SNN: variants seen among roughly 807,000 people sequenced by gnomAD.
The protein encoded by SNN is stannin.
SNN carries 5 observed loss-of-function variants against 5.3 expected under a neutral mutation model. The observed-to-expected ratio is 0.94, with a 90% CI of 0.49 to 1.97. The LOEUF (loss-of-function observed/expected upper bound fraction) is 1.97, where lower values mean the gene tolerates loss of function less well. SNN is among the 30% of genes most tolerant of loss of function. The pLI is 0.01. For synonymous variants in SNN, 67 were observed against 52.1 expected (o/e 1.29, Z -1.24); for missense variants, 127 against 121.6 (o/e 1.04, Z -0.21).
At chr16:11,670,486 C>T (rs1247194323) in intron 1 of SNN, among the ~76,000 whole-genome samples, 4 of 152,220 alleles carry the variant, frequency 2.6e-5, no homozygotes, top group Non-Finnish European at 4.4e-5. Flanking sequence ...ATCCCTCGGG[C>T]TCAGTGTTCT....
In SNN at chr16:11,676,014, GC is replaced by G; in HGVS notation, c.-44del. On this transcript the variant is annotated 5_prime_UTR_variant, in exon 2 of 2. Transcript: ENST00000329565. ...GCCTGAGTTCCAGCCTCACTGAGTG[GC>G]CACCCCCAAAGTGCTGCCAGCCGAG... 6.5e-7 allele frequency: 1 copy of G among 1,532,766 alleles called. No homozygotes were observed. The highest frequency in any genetic ancestry group is 8.8e-7 in the Non-Finnish European group (1 of 1,138,970). The allele number at this position is 1,532,766 out of a possible 1,614,324, so 94.9% of individuals were successfully genotyped here.
chr16:11,678,513 A>T lies in SNN; in HGVS notation c.*2187A>T, dbSNP rs531391829. 1 of 167,074 alleles carries T rather than the reference A, an allele frequency of 6.0e-6. No homozygotes were observed. Among genetic ancestry groups the T allele is most frequent in the East Asian group, 1.9e-4 (1 of 5,172 alleles). The allele number at this position is 167,074 out of a possible 1,614,324, so 10.3% of individuals were successfully genotyped here. ...CCTGGGGTTTTGACCTTGCCAGTGA[A>T]GTTTCGGTTTTGAAGTGATTAAATG... On this transcript the variant is annotated 3_prime_UTR_variant, in exon 2 of 2. Coordinates refer to ENST00000329565, the MANE Select transcript of SNN (RefSeq NM_003498.6).
At position 11,677,531 on chromosome 16, in the gene SNN, G is replaced by C. The variant is rs2050314405; in HGVS notation, c.*1205G>C. 6.0e-6 allele frequency: 1 copy of C among 167,036 alleles called. No homozygotes were observed. Among genetic ancestry groups the C allele is most frequent in the Non-Finnish European group, 1.5e-5 (1 of 68,132 alleles). The allele number at this position is 167,036 out of a possible 1,614,324, so 10.3% of individuals were successfully genotyped here. On this transcript the variant is annotated 3_prime_UTR_variant, in exon 2 of 2. Coordinates refer to ENST00000329565, the MANE Select transcript of SNN (RefSeq NM_003498.6). The surrounding 1 kb of genome is among the most constrained non-coding windows in gnomAD (Gnocchi z 4.2). The stretch of plus-strand genomic sequence containing the variant: ...ACCAGACTGCTTCCTGCCAGCCTGT[G>C]CTTGCGGCAGGGAGCCGGGGCAGGG...
intron 1 of SNN, among the ~76,000 whole-genome samples, chr16:11,675,247 CT>C (rs71136677): frequency 8.8e-5 from 12 of 136,806 alleles, no homozygotes; most frequent in South Asian, 2.4e-4. Context: ...ATTTCTTTTT[CT>C]TTTTTTTTTC....
At position 11,672,319 on chromosome 16, in the gene SNN, G is replaced by C. The variant is rs940241440; in HGVS notation, c.-85-3656G>C. On this transcript the variant is annotated intron_variant, in intron 1 of 1. Transcript: ENST00000329565. The surrounding 1 kb of genome is among the most constrained non-coding windows in gnomAD (Gnocchi z 6.0). ...TAGAGAAGGGCAGGTAGCAAGGAGA[G>C]CAAATGAAGTAGGGCAAGGCTGTAG... Among the ~76,000 whole-genome samples the C allele has an allele frequency of 1.3e-5, 2 of 152,206 alleles. No individual in the cohort carries two copies. Among genetic ancestry groups the C allele is most frequent in the African/African-American group, 4.8e-5 (2 of 41,440 alleles).
rs2050268151 is a variant in SNN at position 11,671,866 on chromosome 16, G to A, written c.-86+3326G>A. ...TTTGAGTTTCCCGGGGCTCTGCTTGGCCACCCCCTTCCCTCCCTGCCTGCC... is the reference window on the plus strand; with the variant it reads ...TTTGAGTTTCCCGGGGCTCTGCTTGACCACCCCCTTCCCTCCCTGCCTGCC... On this transcript the variant is annotated intron_variant, in intron 1 of 1. Transcript: ENST00000329565. The surrounding 1 kb of genome is among the most constrained non-coding windows in gnomAD (Gnocchi z 4.7). Among the ~76,000 whole-genome samples the A allele has an allele frequency of 6.6e-6, 1 of 152,122 alleles. No individual in the cohort carries two copies. Among genetic ancestry groups the A allele is most frequent in the Non-Finnish European group, 1.5e-5 (1 of 68,008 alleles).
intron 1 of SNN, among the ~76,000 whole-genome samples, chr16:11,675,258 CTTTTTTTTTTTTTTTT>C (rs769141223): frequency 8.0e-6 from 1 of 125,318 alleles, no homozygotes; most frequent in East Asian, 2.3e-4. Flanking sequence ...TTTTTTTTTT[CTTTTTTTTTTTTTTTT>C]TTTGAAGAGA....
At chr16:11,674,333 G>A (rs1324321409) in intron 1 of SNN, among the ~76,000 whole-genome samples, 1 of 152,236 alleles carries the variant, frequency 6.6e-6, no homozygotes, top group African/African-American at 2.4e-5. Context: ...CGAGGCAGGA[G>A]AGGGAAGAAA....
chr16:11,669,920 A>G (rs1180133158), intron 1 of SNN, among the ~76,000 whole-genome samples: 1 of 152,126 alleles, frequency 6.6e-6, no homozygotes, highest in Non-Finnish European at 1.5e-5. Context: ...GTGGAGGATG[A>G]GATAACACTG....
At chr16:11,674,785 C>T (rs896719497) in intron 1 of SNN, among the ~76,000 whole-genome samples, 6 of 152,220 alleles carry the variant, frequency 3.9e-5, no homozygotes, top group South Asian at 4.1e-4. Flanking sequence ...CCATCAGCAC[C>T]GCCTCCCTGC....
chr16:11,670,458 C>T (rs1158634169), intron 1 of SNN, among the ~76,000 whole-genome samples: 1 of 152,158 alleles, frequency 6.6e-6, no homozygotes, highest in Non-Finnish European at 1.5e-5. Flanking sequence ...CCTTCTGGCC[C>T]TGGGGGTGGG....
rs1420858747 is a variant in SNN, at chr16:11,668,664, G to A, written c.-86+124G>A. 1 of 146,852 alleles carries A rather than the reference G, an allele frequency of 6.8e-6. No individual in the cohort carries two copies. The highest frequency in any genetic ancestry group is 1.5e-5 in the Non-Finnish European group (1 of 65,648). The allele number at this position is 146,852 out of a possible 1,614,324, so 9.1% of individuals were successfully genotyped here. ...CGGCGGGGCCGGGCCGGGGTCTGCG[G>A]GCGGGGGAGGGGCGGCCCGGCGGGC... On this transcript the variant is annotated intron_variant, in intron 1 of 1. Coordinates refer to ENST00000329565, the MANE Select transcript of SNN (RefSeq NM_003498.6). The surrounding 1 kb of genome is among the most constrained non-coding windows in gnomAD (Gnocchi z 6.8).
rs1597387332 is a variant in SNN, at chr16:11,668,969, G to A, written c.-86+429G>A. Among the ~76,000 whole-genome samples, 2 of 152,112 alleles carry A rather than the reference G, an allele frequency of 1.3e-5. No individual in the cohort carries two copies. Among genetic ancestry groups the A allele is most frequent in the East Asian group, 3.9e-4 (2 of 5,178 alleles). ...GTCCGGCGCCCGTCTCGCGGGTAGGGAAACTGAGGCCGGGCCGCAGCGTTC... is the reference window on the plus strand; with the variant it reads ...GTCCGGCGCCCGTCTCGCGGGTAGGAAAACTGAGGCCGGGCCGCAGCGTTC... On this transcript the variant is annotated intron_variant, in intron 1 of 1. Transcript: ENST00000329565. This position sits in a 1 kb window ranked among gnomAD's most constrained non-coding sequence, Gnocchi z 6.8.
In SNN at chr16:11,671,431, G is replaced by C. The variant is rs2050265328; in HGVS notation, c.-86+2891G>C. ...TCTGGGTCCTGGCCCCTCTGCACTT[G>C]GAAGACCCCTTGGCTCTGCTGGGCT... On this transcript the variant is annotated intron_variant, in intron 1 of 1. Coordinates refer to ENST00000329565, the MANE Select transcript of SNN (RefSeq NM_003498.6). The surrounding 1 kb of genome is among the most constrained non-coding windows in gnomAD (Gnocchi z 4.7). 6.6e-6 allele frequency among the ~76,000 whole-genome samples: 1 copy of C among 152,158 alleles called. No individual in the cohort carries two copies. The highest frequency in any genetic ancestry group is 1.5e-5 in the Non-Finnish European group (1 of 68,012).
At position 11,669,317 on chromosome 16, in the gene SNN, C is replaced by A. The variant is rs570342034; in HGVS notation, c.-86+777C>A. ...CTGTCACCCCTAAGTCCCCAGCACC[C>A]AGCCCAGGTCGCCCAGCCCGCCCCA... On this transcript the variant is annotated intron_variant, in intron 1 of 1. Coordinates refer to ENST00000329565, the MANE Select transcript of SNN (RefSeq NM_003498.6). Among the ~76,000 whole-genome samples, 40 of 152,370 alleles carry A rather than the reference C, an allele frequency of 2.6e-4. 1 individual carries two copies. In the East Asian group the frequency reaches 6.6e-3, roughly 25 times the overall value.
In SNN at chr16:11,679,130, A is replaced by T. The variant is rs920592963; in HGVS notation, c.*2804A>T. ...CTTTATTTACAATAAATTTCAATAA[A>T]ATTTGCATAAATATATTCCCAATGT... On this transcript the variant is annotated 3_prime_UTR_variant, in exon 2 of 2. Coordinates refer to ENST00000329565, the MANE Select transcript of SNN (RefSeq NM_003498.6). This position sits in a 1 kb window ranked among gnomAD's most constrained non-coding sequence, Gnocchi z 4.6. 2 of 1,508,534 alleles carry T rather than the reference A, an allele frequency of 1.3e-6. No individual in the cohort carries two copies. Among genetic ancestry groups the T allele is most frequent in the African/African-American group, 2.8e-5 (2 of 70,914 alleles). 93.4% of individuals were successfully genotyped at this position (1,508,534 alleles called of 1,614,324 possible).
In SNN at chr16:11,672,454, G is replaced by A. The variant is rs2050271669; in HGVS notation, c.-85-3521G>A. ...AATAGGAAGGTGCCAGCCGTGGGGCGGTCAGGGCAGAGGTGGGAGCGTGGG... is the reference window on the plus strand; with the variant it reads ...AATAGGAAGGTGCCAGCCGTGGGGCAGTCAGGGCAGAGGTGGGAGCGTGGG... On this transcript the variant is annotated intron_variant, in intron 1 of 1. Coordinates refer to ENST00000329565, the MANE Select transcript of SNN (RefSeq NM_003498.6). The surrounding 1 kb of genome is among the most constrained non-coding windows in gnomAD (Gnocchi z 6.0). 2.0e-5 allele frequency among the ~76,000 whole-genome samples: 3 copies of A among 152,326 alleles called. No individual in the cohort carries two copies. In the South Asian group the frequency reaches 6.2e-4, roughly 32 times the overall value.
chr16:11,670,141 C>T (rs2050258036), intron 1 of SNN, among the ~76,000 whole-genome samples: 1 of 152,014 alleles, frequency 6.6e-6, no homozygotes, highest in Admixed American at 6.5e-5. Context: ...CCAGTCAGAA[C>T]CTGGGGCAGG....
chr16:11,678,593 C>T lies in SNN; in HGVS notation c.*2267C>T, dbSNP rs2050328410. 1 of 167,076 alleles carries T rather than the reference C, an allele frequency of 6.0e-6. No individual in the cohort carries two copies. The highest frequency in any genetic ancestry group is 1.5e-5 in the Non-Finnish European group (1 of 68,248). 10.3% of individuals were successfully genotyped at this position (167,076 alleles called of 1,614,324 possible). A position where few individuals can be genotyped will look rare whatever the true frequency, so the allele number is the denominator to read the frequency against. ...GTTTTCTTATCCTACTCCCTGGTGCCAGGGACGTACCTGGGAGTTTGAATC... is the reference window on the plus strand; with the variant it reads ...GTTTTCTTATCCTACTCCCTGGTGCTAGGGACGTACCTGGGAGTTTGAATC... On this transcript the variant is annotated 3_prime_UTR_variant, in exon 2 of 2. Transcript: ENST00000329565.
Sources: allele counts gnomAD v4.1 joint callset (sites outside exome capture counted in the v4.1 genomes callset), GRCh38; gene constraint gnomAD v4.1.1; non-coding constraint Gnocchi (gnomAD v3.1); transcripts MANE v1.5; gene names NCBI Gene and HGNC (gene_info 2026-07-23, HGNC 2026-07-21).